Variants in RGS7 observed in about 807,000 individuals in gnomAD.
RGS7 encodes regulator of G protein signaling 7.
A neutral mutation model predicts 81.1 loss-of-function variants in RGS7; 27 were observed. The observed-to-expected ratio is 0.33, with a 90% CI of 0.25 to 0.46. The LOEUF (loss-of-function observed/expected upper bound fraction) is 0.46, where lower values mean the gene tolerates loss of function less well. Ranked by LOEUF, RGS7 falls within the 20% of genes least tolerant of loss-of-function variation. The pLI, the probability that RGS7 is intolerant of heterozygous loss-of-function variation, is 1.00. For synonymous variants in RGS7, 208 were observed against 207.7 expected (o/e 1.00, Z -0.01); for missense variants, 396 against 607.4 (o/e 0.65, Z 3.66).
At chr1:240,858,067 T>C (rs929021380) in intron 9 of RGS7, among the ~76,000 whole-genome samples, 1 of 152,186 alleles carries the variant, frequency 6.6e-6, no homozygotes, top group Non-Finnish European at 1.5e-5. Context: ...AATTACCCAG[T>C]CTTGGGTATG....
intron 2 of RGS7, among the ~76,000 whole-genome samples, chr1:241,317,333 T>C (rs11577493): frequency 0.38 from 57,155 of 152,076 alleles, 11,046 homozygotes; most frequent in Non-Finnish European, 0.42. Flanking sequence ...ACAGCCAACA[T>C]GTGAATTCCT....
At position 241,209,990 on chromosome 1, in the gene RGS7, G is replaced by A. The variant is rs112231415; in HGVS notation, c.79-111228C>T. Among the ~76,000 whole-genome samples, 891 of 152,184 alleles carry A rather than the reference G, an allele frequency of 5.9e-3. 11 individuals are homozygous for A. The highest frequency in any genetic ancestry group is 0.02 in the African/African-American group (851 of 41,522). ...ACTTAAAATGAATCAATAATGTAATGTCATTGTCAAAAAGTATTAATGTGA... is the reference window on the plus strand; with the variant it reads ...ACTTAAAATGAATCAATAATGTAATATCATTGTCAAAAAGTATTAATGTGA... On this transcript the variant is annotated intron_variant, in intron 2 of 18. Coordinates refer to ENST00000440928, the MANE Select transcript of RGS7 (RefSeq NM_001364886.1).
Position 241,224,062 on chromosome 1 carries a change from C to CT in RGS7, c.79-125301_79-125300insA, listed in dbSNP as rs1480970824. On this transcript the variant is annotated intron_variant, in intron 2 of 18. Transcript: ENST00000440928. ...GTCTAATGACTGGTTGACTGGTGAC[C>CT]AATATATATATATATACCATATATA... 3.4e-5 allele frequency among the ~76,000 whole-genome samples: 4 copies of CT among 116,378 alleles called. No homozygotes were observed. In the East Asian group the frequency reaches 1.3e-3, roughly 37 times the overall value. 76.3% of individuals were successfully genotyped at this position (116,378 alleles called of 152,430 possible).
At chr1:240,786,495 A>T (rs966103729) in intron 18 of RGS7, among the ~76,000 whole-genome samples, 8 of 152,232 alleles carry the variant, frequency 5.3e-5, no homozygotes, top group African/African-American at 1.9e-4. Flanking sequence ...TACAGAATAC[A>T]TTTTAAAAAT....
chr1:241,281,758 GAATAT>G (rs2078524104), intron 2 of RGS7, among the ~76,000 whole-genome samples: 1 of 151,970 alleles, frequency 6.6e-6, no homozygotes, highest in African/African-American at 2.4e-5. Context: ...TTTATCATAA[GAATAT>G]AATATGTATT....
chr1:241,061,141 G>C (rs997888120), intron 3 of RGS7, among the ~76,000 whole-genome samples: 28 of 152,158 alleles, frequency 1.8e-4, no homozygotes, highest in African/African-American at 6.5e-4. Flanking sequence ...TGGTTACCTA[G>C]AGTCACCCAA....
At chr1:241,189,933 C>G (rs1469137105) in intron 2 of RGS7, among the ~76,000 whole-genome samples, 2 of 151,718 alleles carry the variant, frequency 1.3e-5, no homozygotes, top group African/African-American at 4.9e-5. Context: ...GAAACCCCGT[C>G]TCTACTAAAA....
chr1:241,070,863 C>G (rs1168889647), intron 3 of RGS7, among the ~76,000 whole-genome samples: 1 of 152,180 alleles, frequency 6.6e-6, no homozygotes, highest in Non-Finnish European at 1.5e-5. Flanking sequence ...AAGAACATGA[C>G]TCAAAGAGGT....
chr1:240,903,571 C>T (rs1333221791), intron 6 of RGS7, among the ~76,000 whole-genome samples: 2 of 151,676 alleles, frequency 1.3e-5, no homozygotes, highest in East Asian at 3.9e-4. Flanking sequence ...AGTTATTTTC[C>T]CCACAACAAT....
At chr1:240,896,143 T>C (rs1366338421) in intron 6 of RGS7, among the ~76,000 whole-genome samples, 1 of 152,230 alleles carries the variant, frequency 6.6e-6, no homozygotes, top group African/African-American at 2.4e-5. Flanking sequence ...TGATTTTTTC[T>C]TGTAAGTTTG....
At chr1:240,847,501 T>A (rs1467341262) in intron 9 of RGS7, among the ~76,000 whole-genome samples, 1 of 152,162 alleles carries the variant, frequency 6.6e-6, no homozygotes, top group Non-Finnish European at 1.5e-5. Flanking sequence ...AGTCTTTGTA[T>A]CTGAGGCAGG....
At chr1:240,810,956 G>T (rs1426032018) in intron 14 of RGS7, among the ~76,000 whole-genome samples, 1 of 152,168 alleles carries the variant, frequency 6.6e-6, no homozygotes, top group East Asian at 1.9e-4. Flanking sequence ...ATTCCTCCGG[G>T]TTCTGTCTGT....
chr1:241,087,944 A>ATCTC (rs574047844), intron 3 of RGS7, among the ~76,000 whole-genome samples: 219 of 116,098 alleles, frequency 1.9e-3, no homozygotes, highest in South Asian at 4.0e-3. Context: ...GCAAGACTCC[A>ATCTC]TCTCTCTCTC....
intron 2 of RGS7, among the ~76,000 whole-genome samples, chr1:241,309,499 G>A (rs1044124378): frequency 2.0e-5 from 3 of 152,032 alleles, no homozygotes; most frequent in African/African-American, 4.8e-5. Context: ...GTAGGCTGCT[G>A]TAAAGAAAGT....
Position 241,327,121 on chromosome 1 carries a change from A to G in RGS7, c.78+28578T>C, listed in dbSNP as rs567790614. ...AAGAAAGAAAGAAAGAAAGAAAGAA[A>G]GAAAGAAAGAAAGAAAGAAAGAAAG... On this transcript the variant is annotated intron_variant, in intron 2 of 18. Transcript: ENST00000440928. Among the ~76,000 whole-genome samples the G allele has an allele frequency of 1.4e-4, 16 of 111,564 alleles. 1 individual carries two copies. Among genetic ancestry groups the G allele is most frequent in the African/African-American group, 4.8e-4 (14 of 29,182 alleles). 73.2% of individuals were successfully genotyped at this position (111,564 alleles called of 152,430 possible). A position where few individuals can be genotyped will look rare whatever the true frequency, so the allele number is the denominator to read the frequency against.
At chr1:240,977,392 CATAT>C (rs1206074225) in intron 4 of RGS7, among the ~76,000 whole-genome samples, 2 of 152,058 alleles carry the variant, frequency 1.3e-5, no homozygotes, top group African/African-American at 4.8e-5. Flanking sequence ...TATATACACA[CATAT>C]GTGTGTGTGT....
intron 18 of RGS7, among the ~76,000 whole-genome samples, chr1:240,797,909 C>G (rs1687336769): frequency 6.6e-6 from 1 of 152,126 alleles, no homozygotes; most frequent in East Asian, 1.9e-4. Flanking sequence ...CAACAAACCC[C>G]AATGCGGGCA....
intron 6 of RGS7, among the ~76,000 whole-genome samples, chr1:240,876,327 C>A (rs1465242431): frequency 1.3e-5 from 2 of 152,154 alleles, no homozygotes; most frequent in African/African-American, 4.8e-5. Flanking sequence ...CTGGTGGAAG[C>A]AATGGCTCCC....
At chr1:240,782,374 T>C (rs1684267155) in intron 18 of RGS7, among the ~76,000 whole-genome samples, 1 of 152,198 alleles carries the variant, frequency 6.6e-6, no homozygotes, top group South Asian at 2.1e-4. Flanking sequence ...GCCAATGATC[T>C]TTTCCCAATT....
Sources: allele counts gnomAD v4.1 joint callset (sites outside exome capture counted in the v4.1 genomes callset), GRCh38; gene constraint gnomAD v4.1.1; transcripts MANE v1.5; gene names NCBI Gene and HGNC (gene_info 2026-07-23, HGNC 2026-07-21).